SUMF1: variants seen among roughly 807,000 people sequenced by gnomAD.
SUMF1 encodes the protein sulfatase modifying factor 1, also known as formylglycine-generating enzyme.
A neutral mutation model predicts 47.6 loss-of-function variants in SUMF1; 48 were observed. The ratio of observed to expected loss-of-function variants is 1.01; its 90% CI spans 0.80 to 1.28. The LOEUF is 1.28. SUMF1 is among the 50% of genes most tolerant of loss of function. The pLI is 0.00. For missense variants in SUMF1, 571 were observed against 485.4 expected (o/e 1.18, Z -1.66); for synonymous variants, 230 against 192.1 (o/e 1.20, Z -1.63).
intron 8 of SUMF1, among the ~76,000 whole-genome samples, chr3:4,212,623 G>C (rs1250553371): frequency 6.6e-6 from 1 of 152,066 alleles, no homozygotes; most frequent in African/African-American, 2.4e-5. Context: ...TGAGCTAAAG[G>C]AGCATGCTGT....
At chr3:4,160,555 C>T (rs1172576411) in intron 8 of SUMF1, among the ~76,000 whole-genome samples, 1 of 152,038 alleles carries the variant, frequency 6.6e-6, no homozygotes, top group East Asian at 1.9e-4. Context: ...AATACTCTCT[C>T]TTCAAGCTCA....
At chr3:4,434,920 A>G (rs1216371265) in intron 3 of SUMF1, among the ~76,000 whole-genome samples, 1 of 152,138 alleles carries the variant, frequency 6.6e-6, no homozygotes, top group East Asian at 1.9e-4. Flanking sequence ...TGGAATTATC[A>G]AAGACTTTAT....
rs770091674 is a variant in SUMF1, at chr3:4,335,960, C to CAAAAAAAAAAAAAAAAAAAAAAAA, written c.1014+40369_1014+40370insTTTTTTTTTTTTTTTTTTTTTTTT. ...TGGACAACTGAGTGAGATTCCAACT[C>CAAAAAAAAAAAAAAAAAAAAAAAA]AAAAAAAAAAAAAAAAAAAACAGAA... is the stretch of plus-strand genomic sequence containing the variant. On this transcript the variant is annotated intron_variant and NMD_transcript_variant, in intron 8 of 12. Coordinates refer to the SUMF1 transcript ENST00000448413. Among the ~76,000 whole-genome samples, 36 of 73,862 alleles carry CAAAAAAAAAAAAAAAAAAAAAAAA rather than the reference C, an allele frequency of 4.9e-4. 1 individual carries two copies. The highest frequency in any genetic ancestry group is 1.1e-3 in the African/African-American group (16 of 14,076). The allele number at this position is 73,862 out of a possible 152,430, so 48.5% of individuals were successfully genotyped here.
intron 8 of SUMF1, among the ~76,000 whole-genome samples, chr3:4,218,598 A>T (rs1398060216): frequency 6.6e-6 from 1 of 152,156 alleles, no homozygotes; most frequent in Non-Finnish European, 1.5e-5. Context: ...AGCGCAGAGC[A>T]AATCTGGATC....
intron 8 of SUMF1, among the ~76,000 whole-genome samples, chr3:4,119,376 T>C (rs1328737877): frequency 6.6e-6 from 1 of 152,094 alleles, no homozygotes; most frequent in East Asian, 1.9e-4. Context: ...ATTGGAGGCC[T>C]TTGCAGTTTG....
intron 8 of SUMF1, among the ~76,000 whole-genome samples, chr3:4,082,492 A>C (rs1211889557): frequency 2.0e-5 from 3 of 152,144 alleles, no homozygotes; most frequent in African/African-American, 7.2e-5. Flanking sequence ...GTAATTAATT[A>C]ATTTAATTAA....
intron 8 of SUMF1, among the ~76,000 whole-genome samples, chr3:4,245,548 CCTGA>C (rs1303370809): frequency 2.6e-5 from 4 of 152,100 alleles, no homozygotes; most frequent in African/African-American, 4.8e-5. Flanking sequence ...ATCCTGTTTG[CCTGA>C]CTATCACCAG....
At chr3:4,058,108 T>C (rs1490523748) in intron 9 of SUMF1, among the ~76,000 whole-genome samples, 1 of 152,044 alleles carries the variant, frequency 6.6e-6, no homozygotes, top group African/African-American at 2.4e-5. Flanking sequence ...TTTTTATAGA[T>C]GAGAAAACTG....
intron 8 of SUMF1, among the ~76,000 whole-genome samples, chr3:4,213,800 A>T (rs1294961017): frequency 6.6e-6 from 1 of 152,216 alleles, no homozygotes; most frequent in Non-Finnish European, 1.5e-5. Flanking sequence ...ACAAAGATCA[A>T]AAGAGACAAA....
chr3:4,380,522 G>A lies in SUMF1; in HGVS notation c.955-4133C>T, dbSNP rs540821579. ...AAAATTATCTACACCAAACCCCCACGGCCCACAATTTACCCATGTAACAAA... is the reference window on the plus strand; with the variant it reads ...AAAATTATCTACACCAAACCCCCACAGCCCACAATTTACCCATGTAACAAA... On this transcript the variant is annotated intron_variant, in intron 7 of 8. Coordinates refer to ENST00000272902, the MANE Select transcript of SUMF1 (RefSeq NM_182760.4). Among the ~76,000 whole-genome samples the A allele has an allele frequency of 3.0e-4, 45 of 152,020 alleles. 1 individual carries two copies. In the South Asian group the frequency reaches 8.5e-3, roughly 29 times the overall value.
chr3:4,467,173 G>T lies in SUMF1; in HGVS notation c.73C>A (p.Leu25Ile), dbSNP rs1325906009. 3.1e-6 allele frequency: 5 copies of T among 1,607,364 alleles called. No homozygotes were observed. The highest frequency in any genetic ancestry group is 1.3e-5 in the African/African-American group (1 of 74,876). The change falls in exon 1 of 9, where the codon CTC becomes ATC. Residue 25 changes from leucine (L) to isoleucine (I), a missense_variant. Leu to Ile is a conservative substitution (Grantham distance 5). Coordinates refer to ENST00000272902, the MANE Select transcript of SUMF1 (RefSeq NM_182760.4). ...CCTGCCGCTCCACACAGCAGCGAGA[G>T]CAGCAGCAGCAAGAGGACGAGACCC... ...ELGLVLLLLL[L>I]SLLCGAAGSQ...
chr3:4,394,656 T>C (rs1317358588), intron 7 of SUMF1, among the ~76,000 whole-genome samples: 9 of 152,208 alleles, frequency 5.9e-5, no homozygotes, highest in Admixed American at 4.6e-4. Flanking sequence ...ACAGAAGACA[T>C]TTACTAAGCA....
At chr3:4,246,233 C>T (rs313647) in intron 8 of SUMF1, among the ~76,000 whole-genome samples, 24,942 of 152,114 alleles carry the variant, frequency 0.16, 2,373 homozygotes, top group South Asian at 0.38. Flanking sequence ...GGTGACACCC[C>T]GCCCTGCTTC....
chr3:4,287,419 A>C (rs535363238), intron 8 of SUMF1, among the ~76,000 whole-genome samples: 65 of 151,856 alleles, frequency 4.3e-4, no homozygotes, highest in African/African-American at 1.5e-3. Context: ...AAAAAAAAAA[A>C]TCTTTCACAC....
chr3:4,309,358 G>C (rs989695758), intron 8 of SUMF1, among the ~76,000 whole-genome samples: 3 of 152,166 alleles, frequency 2.0e-5, no homozygotes, highest in Non-Finnish European at 4.4e-5. Context: ...TTGCTGAGAG[G>C]AGGGGTCCCT....
intron 8 of SUMF1, among the ~76,000 whole-genome samples, chr3:4,162,686 T>C (rs1694605957): frequency 6.6e-6 from 1 of 152,154 alleles, no homozygotes; most frequent in African/African-American, 2.4e-5. Flanking sequence ...GCCAGAAGGA[T>C]GGGAGTGAGG....
At position 4,362,839 on chromosome 3, in the gene SUMF1, G is replaced by C. The variant is rs148769280; in HGVS notation, c.1015-585C>G. ...TGAAGTGGGAAGATCTCTTGAGCCT[G>C]GGTGTTTGAGGCTGCAGTACACCAT... is the stretch of plus-strand genomic sequence containing the variant. On this transcript the variant is annotated intron_variant, in intron 8 of 8. Coordinates refer to ENST00000272902, the MANE Select transcript of SUMF1 (RefSeq NM_182760.4). Among the ~76,000 whole-genome samples, 122 of 152,212 alleles carry C rather than the reference G, an allele frequency of 8.0e-4. No homozygotes were observed. In the East Asian group the frequency reaches 0.02, roughly 25 times the overall value.
chr3:4,317,394 G>A, intron 8 of SUMF1: 1 of 651,638 alleles, frequency 1.5e-6, no homozygotes, highest in Non-Finnish European at 2.6e-6. Context: ...TAAGAATGTA[G>A]AAATGTGGCC....
In SUMF1 at chr3:4,333,297, C is replaced by G. The variant is rs1354371930; in HGVS notation, c.1014+43033G>C. On this transcript the variant is annotated intron_variant and NMD_transcript_variant, in intron 8 of 12. Coordinates refer to the SUMF1 transcript ENST00000448413. The stretch of plus-strand genomic sequence containing the variant: ...TGCCCATTTCAGCTCCTGCACCTGT[C>G]TGTCTGCATGTTCCCCCTCCCATAA... Among the ~76,000 whole-genome samples, 3 of 152,220 alleles carry G rather than the reference C, an allele frequency of 2.0e-5. No homozygotes were observed. The East Asian group carries it at 5.8e-4, about 29-fold the overall frequency.
Sources: gnomAD v4.1 joint callset for allele counts (sites outside exome capture counted in the v4.1 genomes callset) on GRCh38, gnomAD v4.1.1 for gene constraint, MANE v1.5 for transcripts, NCBI Gene and HGNC (gene_info 2026-07-23, HGNC 2026-07-21) for gene names.